Variants in CEP63 observed in about 807,000 individuals in gnomAD.
CEP63 encodes the protein centrosomal protein 63, also known as centrosomal protein of 63 kDa.
In CEP63, 84 loss-of-function variants were observed where a neutral mutation model predicts 89.1. The observed-to-expected ratio is 0.94, with a 90% CI of 0.79 to 1.13. The LOEUF (loss-of-function observed/expected upper bound fraction) is 1.13. CEP63 is among the 50% of genes most tolerant of loss of function. The probability of loss-of-function intolerance (pLI) is 0.00; values close to 1 mark genes in which losing one functional copy is unlikely to be tolerated. For missense variants in CEP63, 838 were observed against 813.3 expected (o/e 1.03, Z -0.37); for synonymous variants, 267 against 272.5 (o/e 0.98, Z 0.20).
the CEP63 span, chr3:134,607,963 T>C: frequency 2.0e-6 from 2 of 1,007,696 alleles, no homozygotes; most frequent in Non-Finnish European, 2.4e-6. Context: ...CTCTGCTGCC[T>C]AGAACATGTC....
the CEP63 span, among the ~76,000 whole-genome samples, chr3:134,727,514 C>T: frequency 1.3e-5 from 2 of 152,016 alleles, no homozygotes; most frequent in East Asian, 1.9e-4. Flanking sequence ...CCACGGAGTA[C>T]GTGCAAGTGG....
the CEP63 span, among the ~76,000 whole-genome samples, chr3:134,761,569 C>A: frequency 6.6e-6 from 1 of 152,174 alleles, no homozygotes; most frequent in Non-Finnish European, 1.5e-5. Flanking sequence ...TTTTTGCTGA[C>A]ACGGCCAACA....
the CEP63 span, among the ~76,000 whole-genome samples, chr3:134,758,925 AG>A: frequency 6.6e-6 from 1 of 152,178 alleles, no homozygotes; most frequent in Non-Finnish European, 1.5e-5. Context: ...TGAGATGGTG[AG>A]ATTACTCTGA....
At chr3:134,745,302 A>T in the CEP63 span, among the ~76,000 whole-genome samples, 1 of 152,234 alleles carries the variant, frequency 6.6e-6, no homozygotes, top group Admixed American at 6.5e-5. Flanking sequence ...TTCATAGAGC[A>T]AACCTGGTTT....
the CEP63 span, among the ~76,000 whole-genome samples, chr3:134,620,189 A>G: frequency 6.6e-6 from 1 of 152,130 alleles, no homozygotes; most frequent in Admixed American, 6.5e-5. Flanking sequence ...TCCCAAGGCC[A>G]TCCTGTGGAG....
chr3:134,598,457 C>A, the CEP63 span, among the ~76,000 whole-genome samples: 1 of 152,306 alleles, frequency 6.6e-6, no homozygotes, highest in Non-Finnish European at 1.5e-5. Context: ...GAAAGGATTT[C>A]TTGGAAACCT....
intron 10 of CEP63, among the ~76,000 whole-genome samples, chr3:134,584,041 T>C (rs1359950807): frequency 6.6e-6 from 1 of 152,234 alleles, no homozygotes; most frequent in Non-Finnish European, 1.5e-5. Context: ...CCTGAGACTT[T>C]GTTGAAGTTG....
At chr3:134,652,025 C>T in the CEP63 span, among the ~76,000 whole-genome samples, 1 of 152,108 alleles carries the variant, frequency 6.6e-6, no homozygotes, top group African/African-American at 2.4e-5. Context: ...GTGTATGGAC[C>T]CCACCTTGTA....
At chr3:134,622,563 A>G in the CEP63 span, among the ~76,000 whole-genome samples, 1 of 152,210 alleles carries the variant, frequency 6.6e-6, no homozygotes, top group Non-Finnish European at 1.5e-5. Flanking sequence ...GGGAGGAGAA[A>G]TGGGAATTTC....
intron 10 of CEP63, among the ~76,000 whole-genome samples, chr3:134,549,490 G>T (rs1954336596): frequency 6.6e-6 from 1 of 152,084 alleles, no homozygotes; most frequent in Non-Finnish European, 1.5e-5. Flanking sequence ...AAAAAAATAT[G>T]AACTGTCACT....
At chr3:134,498,225 A>G (rs1026031533) in intron 2 of CEP63, among the ~76,000 whole-genome samples, 3 of 150,416 alleles carry the variant, frequency 2.0e-5, no homozygotes, top group South Asian at 2.1e-4. Context: ...TGTATCTTCA[A>G]TTTCCTTCAT....
Position 134,547,332 on chromosome 3 carries a change from T to C in CEP63, c.930-3T>C, listed in dbSNP as rs1953617911. ...TTAACAATCATCCTATGTCTTTCCA[T>C]AGGCCACGGGAAGAATCTCTGGCAG... On this transcript the variant is annotated splice_region_variant and splice_polypyrimidine_tract_variant and intron_variant, in intron 8 of 14. Transcript: ENST00000675561. The C allele has an allele frequency of 3.1e-6, 5 of 1,613,300 alleles. No individual in the cohort carries two copies. Among genetic ancestry groups the C allele is most frequent in the East Asian group, 2.2e-5 (1 of 44,860 alleles).
chr3:134,485,959 C>T (rs1044112543), upstream of CEP63: 2 of 980,140 alleles, frequency 2.0e-6, no homozygotes, highest in Admixed American at 6.4e-5. Flanking sequence ...TACCGGCACC[C>T]GGCCACCGCG....
intron 6 of CEP63, among the ~76,000 whole-genome samples, chr3:134,538,543 ATATATATATATG>A (rs1951307454): frequency 7.2e-6 from 1 of 139,660 alleles, no homozygotes; most frequent in Non-Finnish European, 1.6e-5. Flanking sequence ...GTATATATAT[ATATATATATATG>A]TATATATATA....
At chr3:134,708,621 T>A in the CEP63 span, among the ~76,000 whole-genome samples, 1 of 152,252 alleles carries the variant, frequency 6.6e-6, no homozygotes, top group African/African-American at 2.4e-5. Flanking sequence ...GTGTTTTATG[T>A]TCTGTTGCCA....
chr3:134,650,535 C>T, the CEP63 span, among the ~76,000 whole-genome samples: 3 of 152,210 alleles, frequency 2.0e-5, no homozygotes, highest in African/African-American at 7.2e-5. Flanking sequence ...TGCTCTACAC[C>T]CGTTAGGGAG....
In CEP63 at chr3:134,563,456, T is replaced by A. The variant is rs1035181908; in HGVS notation, c.*1921T>A. ...TTTTTTTATTGAGACAGAGTCTCAC[T>A]CTGTCGCCCAAGCTGCAGTACAGTG... is the stretch of plus-strand genomic sequence containing the variant. On this transcript the variant is annotated 3_prime_UTR_variant, in exon 15 of 15. Transcript: ENST00000675561. 1 of 152,076 alleles carries A rather than the reference T, an allele frequency of 6.6e-6. No homozygotes were observed. Among genetic ancestry groups the A allele is most frequent in the African/African-American group, 2.4e-5 (1 of 41,392 alleles). The allele number at this position is 152,076 out of a possible 1,614,324, so 9.4% of individuals were successfully genotyped here.
chr3:134,692,844 G>T, the CEP63 span, among the ~76,000 whole-genome samples: 2 of 152,168 alleles, frequency 1.3e-5, no homozygotes, highest in African/African-American at 4.8e-5. Flanking sequence ...GTCACCGTTG[G>T]TCACCCTAAC....
At chr3:134,547,694 T>C (rs1173107371) in intron 9 of CEP63, among the ~76,000 whole-genome samples, 1 of 142,178 alleles carries the variant, frequency 7.0e-6, no homozygotes, top group African/African-American at 2.5e-5. Context: ...CACTGCAACC[T>C]CCGCCTCCCG....
Sources: gnomAD v4.1 joint callset for allele counts (sites outside exome capture counted in the v4.1 genomes callset) on GRCh38, gnomAD v4.1.1 for gene constraint, MANE v1.5 for transcripts, NCBI Gene and HGNC (gene_info 2026-07-23, HGNC 2026-07-21) for gene names.